The following RSRP1 variants were observed in gnomAD, a reference collection of about 807,000 sequenced individuals.
The protein encoded by RSRP1 is arginine/serine-rich protein 1.
RSRP1 carries 37 observed loss-of-function variants against 33.0 expected under a neutral mutation model. That is an observed-to-expected ratio of 1.12 (90% CI 0.86 to 1.48). The LOEUF (loss-of-function observed/expected upper bound fraction) is 1.48. Among genes scored for constraint, RSRP1 ranks in the 40% most tolerant of loss-of-function variants. The pLI is 0.00. For missense variants in RSRP1, 402 were observed against 385.3 expected, an observed-to-expected ratio of 1.04 and a Z score of -0.36; for synonymous variants, 167 against 158.7, an observed-to-expected ratio of 1.05 and a Z score of -0.40.
upstream of RSRP1, among the ~76,000 whole-genome samples, chr1:25,252,266 G>T (rs115154254): frequency 5.7e-3 from 873 of 152,046 alleles, 9 homozygotes; most frequent in African/African-American, 0.02. Context: ...TCTGTGTGGG[G>T]AGTGCACAGG....
intron 1 of RSRP1, among the ~76,000 whole-genome samples, chr1:25,320,867 T>C (rs527837013): frequency 1.5e-5 from 2 of 129,732 alleles, no homozygotes; most frequent in African/African-American, 2.6e-5. Flanking sequence ...CATGGCTAAG[T>C]CCTGTCTCTG....
rs747415566 is a variant in RSRP1 at position 25,301,659 on chromosome 1, G to C, written c.-67+36319C>G. On this transcript the variant is annotated intron_variant, in intron 1 of 1. Coordinates refer to the RSRP1 transcript ENST00000561867. ...TGACAGCCATCTCAGGGTCATCCTTGGCTCACCCCCAAGGGAAGATCAGCA... is the reference window on the plus strand; with the variant it reads ...TGACAGCCATCTCAGGGTCATCCTTCGCTCACCCCCAAGGGAAGATCAGCA... 17 of 1,379,960 alleles carry C rather than the reference G, an allele frequency of 1.2e-5. 2 individuals carry two copies. In the South Asian group the frequency reaches 2.0e-4, roughly 16 times the overall value. The allele number at this position is 1,379,960 out of a possible 1,614,324, so 85.5% of individuals were successfully genotyped here.
intron 1 of RSRP1, among the ~76,000 whole-genome samples, chr1:25,254,499 G>A (rs963743059): frequency 6.6e-6 from 1 of 152,082 alleles, no homozygotes; most frequent in African/African-American, 2.4e-5. Flanking sequence ...GCGGTGGTGT[G>A]GTCTCAGCTC....
chr1:25,312,234 C>T lies in RSRP1; in HGVS notation c.-67+25744G>A, dbSNP rs1168832123. On this transcript the variant is annotated intron_variant, in intron 1 of 1. Transcript: ENST00000561867. ...TTGTACTTTCCTGGAACCAGTTACC[C>T]TTTTTCCCTTGCCTCTTTTTCCTTT... Among the ~76,000 whole-genome samples, 3 of 97,028 alleles carry T rather than the reference C, an allele frequency of 3.1e-5. 1 individual carries two copies. Among genetic ancestry groups the T allele is most frequent in the African/African-American group, 3.5e-5 (1 of 28,898 alleles). 63.7% of individuals were successfully genotyped at this position (97,028 alleles called of 152,430 possible).
At chr1:25,291,464 C>T (rs1642501280) in intron 1 of RSRP1, among the ~76,000 whole-genome samples, 1 of 130,572 alleles carries the variant, frequency 7.7e-6, no homozygotes, top group African/African-American at 2.6e-5. Flanking sequence ...AGCAAGACTT[C>T]ATCTCAAATT....
At position 25,306,241 on chromosome 1, in the gene RSRP1, T is replaced by C. The variant is rs1571690869; in HGVS notation, c.-67+31737A>G. 2.3e-5 allele frequency among the ~76,000 whole-genome samples: 3 copies of C among 131,824 alleles called. 1 individual carries two copies. The highest frequency in any genetic ancestry group is 7.8e-5 in the African/African-American group (3 of 38,336). 86.5% of individuals were successfully genotyped at this position (131,824 alleles called of 152,430 possible). The stretch of plus-strand genomic sequence containing the variant: ...AGACCAGGGATGCTGCTTAACATCC[T>C]ACAGTACACAGGGCAGCCCCCACCA... On this transcript the variant is annotated intron_variant, in intron 1 of 1. Coordinates refer to the RSRP1 transcript ENST00000561867.
chr1:25,252,953 C>G (rs985412724), intron 1 of RSRP1, among the ~76,000 whole-genome samples: 1 of 152,202 alleles, frequency 6.6e-6, no homozygotes, highest in Admixed American at 6.5e-5. Flanking sequence ...TGCCTCGAGG[C>G]AGATGATGTA....
In RSRP1 at chr1:25,280,769, G is replaced by A. The variant is rs923862727; in HGVS notation, c.-66-33740C>T. Among the ~76,000 whole-genome samples, 11 of 130,498 alleles carry A rather than the reference G, an allele frequency of 8.4e-5. 1 individual carries two copies. Among genetic ancestry groups the A allele is most frequent in the African/African-American group, 2.4e-4 (9 of 38,090 alleles). 85.6% of individuals were successfully genotyped at this position (130,498 alleles called of 152,430 possible). On this transcript the variant is annotated intron_variant, in intron 1 of 1. Coordinates refer to the RSRP1 transcript ENST00000561867. ...TGGGACTACAGGCACTCGCCACCAC[G>A]CCCAAGTAATTTTGTATTTTTTGTA... is the stretch of plus-strand genomic sequence containing the variant.
chr1:25,297,974 C>T lies in RSRP1; in HGVS notation c.-67+40004G>A, dbSNP rs615418. On this transcript the variant is annotated intron_variant, in intron 1 of 1. Transcript: ENST00000561867. Reference sequence around the variant, plus strand: ...TCCATCTTTTGGCTCTTATTCTCTCCGTACATCTAACATCTCTGTACACCA... The same window carrying T: ...TCCATCTTTTGGCTCTTATTCTCTCTGTACATCTAACATCTCTGTACACCA... Among the ~76,000 whole-genome samples the T allele has an allele frequency of 3.9e-4, 51 of 130,596 alleles. 6 individuals are homozygous for T. The highest frequency in any genetic ancestry group is 1.2e-3 in the African/African-American group (47 of 37,988). 85.7% of individuals were successfully genotyped at this position (130,596 alleles called of 152,430 possible). A position where few individuals can be genotyped will look rare whatever the true frequency, so the allele number is the denominator to read the frequency against.
intron 1 of RSRP1, among the ~76,000 whole-genome samples, chr1:25,257,891 G>A (rs1369538876): frequency 2.6e-5 from 4 of 152,082 alleles, no homozygotes; most frequent in East Asian, 1.9e-4. Context: ...GATTACAGGC[G>A]TGAGCCACCA....
chr1:25,280,210 G>A (rs1402099460), intron 1 of RSRP1, among the ~76,000 whole-genome samples: 1 of 128,530 alleles, frequency 7.8e-6, no homozygotes, highest in East Asian at 2.0e-4. Context: ...TGGGGAGGAA[G>A]GCCCTGAGCG....
Position 25,281,637 on chromosome 1 carries a change from A to G in RSRP1, c.-66-34608T>C, listed in dbSNP as rs1429075916. On this transcript the variant is annotated intron_variant, in intron 1 of 1. Transcript: ENST00000561867. ...AATCCCAAGAGGAACCCCTGTAGAA[A>G]ATGTCCCCTGGCCACACACCCCCAT... 6.9e-5 allele frequency among the ~76,000 whole-genome samples: 9 copies of G among 131,084 alleles called. 2 individuals are homozygous for G. Among genetic ancestry groups the G allele is most frequent in the Admixed American group, 3.0e-4 (4 of 13,402 alleles). The allele number at this position is 131,084 out of a possible 152,430, so 86.0% of individuals were successfully genotyped here.
intron 1 of RSRP1, among the ~76,000 whole-genome samples, chr1:25,310,439 G>A: frequency 7.6e-6 from 1 of 132,360 alleles, no homozygotes; most frequent in Non-Finnish European, 1.8e-5. Context: ...GTGGCACCAT[G>A]CTTTTGGACT....
At chr1:25,262,085 C>T (rs1271602106) in intron 1 of RSRP1, among the ~76,000 whole-genome samples, 1 of 152,138 alleles carries the variant, frequency 6.6e-6, no homozygotes. Context: ...CTATTGAGCA[C>T]TCAAGTGTAT....
chr1:25,251,013 A>C (rs1181803484), upstream of RSRP1, among the ~76,000 whole-genome samples: 1 of 151,882 alleles, frequency 6.6e-6, no homozygotes, highest in Non-Finnish European at 1.5e-5. Context: ...CAACTCAAAG[A>C]AAAAAATAAT....
intron 1 of RSRP1, among the ~76,000 whole-genome samples, chr1:25,259,863 G>A (rs550786324): frequency 3.7e-4 from 56 of 152,154 alleles, no homozygotes; most frequent in Non-Finnish European, 8.8e-5. Flanking sequence ...TTGTGAACGT[G>A]GCAGTGCTTG....
In RSRP1 at chr1:25,275,853, G is replaced by A. The variant is rs554300438; in HGVS notation, c.-66-28824C>T. ...GATCAACATGTTTTAAATCTCGAAT[G>A]TGACTGACAGCTTGTACGAGGAGAA... On this transcript the variant is annotated intron_variant, in intron 1 of 1. Transcript: ENST00000561867. Among the ~76,000 whole-genome samples the A allele has an allele frequency of 7.6e-5, 10 of 132,058 alleles. 1 individual carries two copies. The highest frequency in any genetic ancestry group is 2.6e-4 in the African/African-American group (10 of 38,690). 86.6% of individuals were successfully genotyped at this position (132,058 alleles called of 152,430 possible).
At chr1:25,330,578 T>G (rs1271429300) in intron 1 of RSRP1, 1 of 114,684 alleles carries the variant, frequency 8.7e-6, no homozygotes, top group African/African-American at 2.8e-5. Flanking sequence ...CTCACATAAT[T>G]TTACAGATTT....
At position 25,255,157 on chromosome 1, in the gene RSRP1, G is replaced by A. The variant is rs28638131; in HGVS notation, c.-66-8128C>T. Among the ~76,000 whole-genome samples, 1,134 of 152,254 alleles carry A rather than the reference G, an allele frequency of 7.4e-3. 16 individuals carry two copies. The highest frequency in any genetic ancestry group is 0.025 in the African/African-American group (1,027 of 41,550). ...CGGTGATGGCACAGTCATGGGCAAT[G>A]GAATAACTGGAGAATGTCAACTGGG... On this transcript the variant is annotated intron_variant, in intron 1 of 1. Coordinates refer to the RSRP1 transcript ENST00000561867.
Sources: gnomAD v4.1 joint callset for allele counts (sites outside exome capture counted in the v4.1 genomes callset) on GRCh38, gnomAD v4.1.1 for gene constraint, MANE v1.5 for transcripts, NCBI Gene and HGNC (gene_info 2026-07-23, HGNC 2026-07-21) for gene names.